Variants in TUT7 observed in about 807,000 individuals in gnomAD.
TUT7 encodes the protein terminal uridylyl transferase 7.
In TUT7, 33 loss-of-function variants were observed where a neutral mutation model predicts 165.9. The ratio of observed to expected loss-of-function variants is 0.20; its 90% CI spans 0.15 to 0.27. The LOEUF (loss-of-function observed/expected upper bound fraction) is 0.27. Ranked by LOEUF, TUT7 falls within the 10% of genes least tolerant of loss-of-function variation. The probability of loss-of-function intolerance (pLI) is 1.00; values close to 1 mark genes in which losing one functional copy is unlikely to be tolerated. For synonymous variants in TUT7, 552 were observed against 608.1 expected (o/e 0.91, Z 1.36); for missense variants, 1,338 against 1,762.3 (o/e 0.76, Z 4.31).
At chr9:86,333,617 C>A (rs919826960) in intron 10 of TUT7, among the ~76,000 whole-genome samples, 4 of 152,210 alleles carry the variant, frequency 2.6e-5, no homozygotes. Context: ...TTTATTCTTG[C>A]ATGTTGTCCA....
At chr9:86,332,239 G>A (rs527812740) in intron 10 of TUT7, among the ~76,000 whole-genome samples, 10 of 152,202 alleles carry the variant, frequency 6.6e-5, no homozygotes, top group Non-Finnish European at 1.2e-4. Context: ...ACAGGCATGC[G>A]AATGTTGACT....
rs1327921598 is a variant in TUT7 at position 86,324,063 on chromosome 9, A to T, written c.1790-103T>A. On this transcript the variant is annotated intron_variant, in intron 12 of 26. Coordinates refer to ENST00000375963, the MANE Select transcript of TUT7 (RefSeq NM_024617.4). ...CTGCAGATAAAAACAGACAACAAAC[A>T]ATGGTAAAATTTATCTTGCATTTTA... The T allele has an allele frequency of 2.8e-6, 3 of 1,067,906 alleles. No individual in the cohort carries two copies. In the African/African-American group the frequency reaches 4.9e-5, roughly 17 times the overall value. The allele number at this position is 1,067,906 out of a possible 1,614,324, so 66.2% of individuals were successfully genotyped here.
In TUT7 at chr9:86,346,444, C is replaced by A; in HGVS notation, c.557G>T (p.Arg186Leu). ...CTCATTTTCCTCATTTCTAGTCTTC[C>A]GTGGCTTCCTAGGTCTGGACCTCTG... ...KKQRSRPRKP[R>L]KTRNEENEQD... The change falls in exon 3 of 27, where the codon CGG (arginine) becomes CTG (leucine). Residue 186 changes from arginine to leucine, a missense_variant. Physicochemically the swap from Arg to Leu is moderately radical, Grantham distance 102. Coordinates refer to ENST00000375963, the MANE Select transcript of TUT7 (RefSeq NM_024617.4). The A allele has an allele frequency of 6.2e-7, 1 of 1,613,986 alleles. No individual in the cohort carries two copies.
At chr9:86,325,579 A>G in intron 11 of TUT7, 65 bp from the exon 12 acceptor site, 1 of 1,456,412 alleles carries the variant, frequency 6.9e-7, no homozygotes, top group South Asian at 1.3e-5. Flanking sequence ...AAAATTAAAG[A>G]TCATTTAAGC....
chr9:86,353,923 C>G (rs1832521511), intron 1 of TUT7, among the ~76,000 whole-genome samples: 1 of 152,172 alleles, frequency 6.6e-6, no homozygotes, highest in Admixed American at 6.5e-5. Flanking sequence ...GAATGACACT[C>G]CTCTTCAATC....
chr9:86,325,311 A>G (rs1829693949), intron 12 of TUT7, 23 bp downstream of exon 12: 2 of 1,607,982 alleles, frequency 1.2e-6, no homozygotes, highest in Non-Finnish European at 1.7e-6. Context: ...GTGGGGGGGA[A>G]TAAGATAAAC....
intron 24 of TUT7, among the ~76,000 whole-genome samples, chr9:86,304,285 A>C (rs1428100842): frequency 6.6e-6 from 1 of 152,222 alleles, no homozygotes; most frequent in African/African-American, 2.4e-5. Flanking sequence ...ACATAATATT[A>C]TTCTTAGCAA....
At chr9:86,322,781 T>C (rs2274868) in intron 13 of TUT7, 92 bp downstream of exon 13, 353,929 of 1,400,930 alleles carry the variant, frequency 0.25, 50,229 homozygotes, top group East Asian at 0.54. Flanking sequence ...ACTACCAAAA[T>C]AGGAAAATTC....
chr9:86,328,355 C>T lies in TUT7; in HGVS notation c.1593G>A (p.Pro531=), dbSNP rs554365000. 32 of 1,601,196 alleles carry T rather than the reference C, an allele frequency of 2.0e-5. 1 individual carries two copies. The South Asian group carries it at 2.3e-4, about 11-fold the overall frequency. The change falls in exon 11 of 27, where the codon CCG becomes CCA. Residue 531 remains proline (P), a synonymous_variant. Coordinates refer to ENST00000375963, the MANE Select transcript of TUT7 (RefSeq NM_024617.4). ...ITKEEAPRET[P]IKRGQVSLIL... ...GAGAACAGACCTGTCCCCTTTTAAT[C>T]GGCGTTTCTCTTGGTGCCTCTTCTT...
chr9:86,350,592 C>G (rs1483607489), intron 2 of TUT7, among the ~76,000 whole-genome samples: 1 of 152,234 alleles, frequency 6.6e-6, no homozygotes, highest in Non-Finnish European at 1.5e-5. Context: ...AGTTCTACTT[C>G]CTCATTTACC....
chr9:86,342,007 A>G (rs1831368561), intron 6 of TUT7, among the ~76,000 whole-genome samples: 1 of 152,236 alleles, frequency 6.6e-6, no homozygotes, highest in Non-Finnish European at 1.5e-5. Context: ...TGCTAAATGA[A>G]TTAATGACAC....
chr9:86,323,580 A>G lies in TUT7; in HGVS notation c.2170T>C (p.Ser724Pro), dbSNP rs143252253. ...TTAACATCTGCTTGGATACAGTCTG[A>G]GTTTTCAGGGTGGACACTGATGTGT... is the stretch of plus-strand genomic sequence containing the variant. ...NEHISVHPEN[S>P]DCIQADVNSD... The change falls in exon 13 of 27, where the codon TCA becomes CCA. Residue 724 changes from serine (S) to proline (P), a missense_variant. Physicochemically the swap from Ser to Pro is moderately conservative, Grantham distance 74 (BLOSUM62 -1). Around this residue, in one of 7 missense-constraint regions of TUT7, gnomAD observed 425 missense variants for 474.9 expected, o/e 0.89. Transcript: ENST00000375963. 2.1e-5 allele frequency: 34 copies of G among 1,613,934 alleles called. No individual in the cohort carries two copies. Among genetic ancestry groups the G allele is most frequent in the Non-Finnish European group, 2.5e-5 (29 of 1,180,026 alleles).
chr9:86,298,060 C>G (rs1337115392), intron 26 of TUT7, among the ~76,000 whole-genome samples: 1 of 151,932 alleles, frequency 6.6e-6, no homozygotes, highest in African/African-American at 2.4e-5. Flanking sequence ...TTTCCCCCGA[C>G]TGGCCCCTTT....
At chr9:86,341,818 G>A (rs150809671) in intron 6 of TUT7, among the ~76,000 whole-genome samples, 6 of 152,108 alleles carry the variant, frequency 3.9e-5, no homozygotes, top group African/African-American at 1.4e-4. Context: ...CATGACTGCT[G>A]TATCTCTGCC....
intron 20 of TUT7, 30 bp downstream of exon 20, chr9:86,309,433 G>A (rs1564040943): frequency 1.3e-6 from 2 of 1,569,492 alleles, no homozygotes; most frequent in Non-Finnish European, 1.7e-6. Flanking sequence ...CAGTTTTCCA[G>A]ATAAGAAATA....
intron 14 of TUT7, among the ~76,000 whole-genome samples, chr9:86,322,082 T>TA (rs952752793): frequency 5.9e-5 from 9 of 151,650 alleles, no homozygotes; most frequent in African/African-American, 2.2e-4. Flanking sequence ...TCTCAAAATT[T>TA]AAAAAAAAAT....
intron 11 of TUT7, among the ~76,000 whole-genome samples, chr9:86,326,657 T>C (rs1829820804): frequency 6.6e-6 from 1 of 152,148 alleles, no homozygotes; most frequent in African/African-American, 2.4e-5. Context: ...TCTTAAGAGG[T>C]AATCTAGTTC....
At position 86,346,364 on chromosome 9, in the gene TUT7, C is replaced by A; in HGVS notation, c.637G>T (p.Glu213Ter). 2 of 1,614,148 alleles carry A rather than the reference C, an allele frequency of 1.2e-6. No individual in the cohort carries two copies. The highest frequency in any genetic ancestry group is 1.7e-6 in the Non-Finnish European group (2 of 1,179,998). The stretch of plus-strand genomic sequence containing the variant: ...TCAGCCTGCTGTAAGCCTAGCAGCT[C>A]CTTCGTTGAAAGTACAGACTCATCG... ...VIDESVLSTKELLGLQQAEER... is the reference protein window; with the variant it reads ...VIDESVLSTK Residue 213 changes from glutamate to a stop codon, truncating the protein, a stop_gained, in exon 3 of 27, where the codon GAG (glutamate) becomes TAG (stop). Transcript: ENST00000375963. LOFTEE classifies it high-confidence loss of function.
Position 86,309,452 on chromosome 9 carries a change from T to A in TUT7, c.3582+11A>T. ...TTTCCAGATAAGAAATACAATTTCATTCACTAATACCTCTTGAAGGACAGG... is the reference window on the plus strand; with the variant it reads ...TTTCCAGATAAGAAATACAATTTCAATCACTAATACCTCTTGAAGGACAGG... On this transcript the variant is annotated intron_variant, in intron 20 of 26. Transcript: ENST00000375963. The A allele has an allele frequency of 5.7e-6, 9 of 1,590,606 alleles. No homozygotes were observed. Among genetic ancestry groups the A allele is most frequent in the Non-Finnish European group, 6.8e-6 (8 of 1,168,134 alleles).
Sources: allele counts gnomAD v4.1 joint callset (sites outside exome capture counted in the v4.1 genomes callset), GRCh38; gene constraint gnomAD v4.1.1; regional missense constraint gnomAD v4.1.1; transcripts MANE v1.5; gene names NCBI Gene and HGNC (gene_info 2026-07-23, HGNC 2026-07-21).